Variants in TMPRSS11F observed in about 807,000 individuals in gnomAD.
TMPRSS11F encodes transmembrane serine protease 11F, also known as transmembrane protease serine 11F.
In TMPRSS11F, 47 loss-of-function variants were observed where a neutral mutation model predicts 60.2. The ratio of observed to expected loss-of-function variants is 0.78; its 90% CI spans 0.62 to 1.00. TMPRSS11F has a LOEUF of 1.00. TMPRSS11F is among the 50% of genes least tolerant of loss of function. The probability of loss-of-function intolerance (pLI) is 0.00; values close to 1 mark genes in which losing one functional copy is unlikely to be tolerated. For synonymous variants in TMPRSS11F, 166 were observed against 167.3 expected (o/e 0.99, Z 0.06); for missense variants, 519 against 522.9 (o/e 0.99, Z 0.07).
At chr4:68,089,135 C>G (rs766059121) in intron 3 of TMPRSS11F, among the ~76,000 whole-genome samples, 1 of 152,112 alleles carries the variant, frequency 6.6e-6, no homozygotes, top group African/African-American at 2.4e-5. Context: ...GCAGAGGCAT[C>G]ACATTACATG....
chr4:68,060,394 T>C (rs1723139554), intron 8 of TMPRSS11F, among the ~76,000 whole-genome samples: 1 of 150,162 alleles, frequency 6.7e-6, no homozygotes, highest in Non-Finnish European at 1.5e-5. Flanking sequence ...CGGGTGCCTG[T>C]AGTCTCAGCT....
intron 1 of TMPRSS11F, among the ~76,000 whole-genome samples, chr4:68,127,815 C>G (rs1009392387): frequency 1.2e-4 from 19 of 152,032 alleles, no homozygotes; most frequent in South Asian, 2.1e-4. Flanking sequence ...TAATACAAAT[C>G]TTATTTTATT....
At chr4:68,072,231 AT>A (rs1418926037) in intron 5 of TMPRSS11F, 91 bp downstream of exon 5, 11 of 86,734 alleles carry the variant, frequency 1.3e-4, no homozygotes, top group Middle Eastern at 6.8e-3. Flanking sequence ...CAAAAAAAAA[AT>A]ATATATATAT....
chr4:68,071,044 C>A (rs372574283), intron 5 of TMPRSS11F, among the ~76,000 whole-genome samples: 1 of 152,128 alleles, frequency 6.6e-6, no homozygotes, highest in South Asian at 2.1e-4. Context: ...CAATAAGAAA[C>A]TCTACAGCTG....
intron 3 of TMPRSS11F, among the ~76,000 whole-genome samples, chr4:68,084,723 TA>T (rs1353079500): frequency 2.0e-5 from 3 of 150,794 alleles, no homozygotes; most frequent in African/African-American, 7.5e-5. Context: ...TTTATTTATT[TA>T]TTTTTTTATG....
At chr4:68,087,373 G>C (rs1241368558) in intron 3 of TMPRSS11F, among the ~76,000 whole-genome samples, 1 of 151,998 alleles carries the variant, frequency 6.6e-6, no homozygotes, top group African/African-American at 2.4e-5. Context: ...AAAATAATAA[G>C]AGCTATCTAT....
intron 9 of TMPRSS11F, among the ~76,000 whole-genome samples, chr4:68,058,928 G>C (rs935561638): frequency 6.6e-6 from 1 of 152,160 alleles, no homozygotes; most frequent in Non-Finnish European, 1.5e-5. Flanking sequence ...CACTGGAGAA[G>C]AGGAGGTCTA....
At chr4:68,087,885 A>G (rs999605365) in intron 3 of TMPRSS11F, among the ~76,000 whole-genome samples, 27 of 104,188 alleles carry the variant, frequency 2.6e-4, no homozygotes, top group African/African-American at 9.1e-4. Context: ...CCACCCCACA[A>G]CAGTCCTCAG....
intron 3 of TMPRSS11F, among the ~76,000 whole-genome samples, chr4:68,090,200 T>C (rs1431500701): frequency 1.3e-5 from 2 of 152,054 alleles, no homozygotes; most frequent in Non-Finnish European, 2.9e-5. Context: ...CAACTCTATA[T>C]TCTTATGTTA....
intron 1 of TMPRSS11F, among the ~76,000 whole-genome samples, chr4:68,102,763 G>C (rs1051096048): frequency 2.6e-5 from 4 of 152,032 alleles, no homozygotes; most frequent in African/African-American, 9.7e-5. Context: ...CAATCTGTGG[G>C]CTGCTTTTTC....
chr4:68,064,971 G>T, intron 7 of TMPRSS11F, 27 bp from the exon 8 acceptor site: 1 of 1,589,738 alleles, frequency 6.3e-7, no homozygotes, highest in South Asian at 1.2e-5. Context: ...AGTAATACTT[G>T]TGATGCTTGA....
chr4:68,056,378 T>C (rs897539240), intron 9 of TMPRSS11F, among the ~76,000 whole-genome samples: 33 of 148,630 alleles, frequency 2.2e-4, no homozygotes, highest in African/African-American at 8.0e-4. Flanking sequence ...CATATACTAA[T>C]AGTGAGCTGT....
intron 1 of TMPRSS11F, among the ~76,000 whole-genome samples, chr4:68,099,418 G>A (rs2109871890): frequency 6.6e-6 from 1 of 152,206 alleles, no homozygotes; most frequent in Middle Eastern, 3.4e-3. Context: ...CATTACTTTG[G>A]AAGACCTGAT....
intron 4 of TMPRSS11F, among the ~76,000 whole-genome samples, chr4:68,073,613 G>A (rs967978260): frequency 6.6e-6 from 1 of 152,136 alleles, no homozygotes; most frequent in Non-Finnish European, 1.5e-5. Context: ...GGTGGAGTAG[G>A]CTTAAAATGA....
intron 8 of TMPRSS11F, chr4:68,062,528 T>C: frequency 1.3e-6 from 1 of 750,844 alleles, no homozygotes; most frequent in Non-Finnish European, 2.5e-6. Context: ...ATGGTAACTG[T>C]TTGCTTATTG....
At chr4:68,117,056 C>T (rs1195754254) in intron 1 of TMPRSS11F, among the ~76,000 whole-genome samples, 5 of 152,142 alleles carry the variant, frequency 3.3e-5, no homozygotes, top group East Asian at 1.9e-4. Flanking sequence ...AATTAAAAGG[C>T]GGTCTACCAA....
At chr4:68,055,029 C>T (rs1373771823) in intron 9 of TMPRSS11F, among the ~76,000 whole-genome samples, 1 of 152,026 alleles carries the variant, frequency 6.6e-6, no homozygotes, top group Non-Finnish European at 1.5e-5. Context: ...GAGCAGAGCA[C>T]AAGGGAAGTG....
chr4:68,114,889 T>G (rs1209236256), intron 1 of TMPRSS11F, among the ~76,000 whole-genome samples: 1 of 150,430 alleles, frequency 6.6e-6, no homozygotes, highest in African/African-American at 2.4e-5. Context: ...TCATAGTATT[T>G]ACAGACCAAA....
chr4:68,057,550 CAATT>C (rs1042958652), intron 9 of TMPRSS11F, among the ~76,000 whole-genome samples: 7 of 152,108 alleles, frequency 4.6e-5, no homozygotes, highest in African/African-American at 1.7e-4. Context: ...AACAAAACAA[CAATT>C]AATAAAGTGA....
Sources: gnomAD v4.1 joint callset for allele counts (sites outside exome capture counted in the v4.1 genomes callset) on GRCh38, gnomAD v4.1.1 for gene constraint, MANE v1.5 for transcripts, NCBI Gene and HGNC (gene_info 2026-07-23, HGNC 2026-07-21) for gene names.